The following IMMP2L variants were observed in gnomAD, a reference collection of about 807,000 sequenced individuals.
IMMP2L encodes the protein inner mitochondrial membrane peptidase subunit 2, also known as mitochondrial inner membrane protease subunit 2.
A neutral mutation model predicts 19.3 loss-of-function variants in IMMP2L; 18 were observed. That is an observed-to-expected ratio of 0.93 (90% CI 0.64 to 1.38). The LOEUF is 1.38. IMMP2L is among the 40% of genes most tolerant of loss of function. The pLI is 0.00. For missense variants in IMMP2L, 233 were observed against 218.2 expected (o/e 1.07, Z -0.43); for synonymous variants, 76 against 73.0 (o/e 1.04, Z -0.21).
chr7:110,809,892 T>C (rs1335029940), intron 5 of IMMP2L, among the ~76,000 whole-genome samples: 2 of 152,078 alleles, frequency 1.3e-5, no homozygotes, highest in Admixed American at 1.3e-4. Context: ...TCTTTGCCAC[T>C]GCTCACCCTT....
At chr7:110,960,674 AAC>A (rs904663090) in intron 4 of IMMP2L, among the ~76,000 whole-genome samples, 3 of 151,944 alleles carry the variant, frequency 2.0e-5, no homozygotes, top group African/African-American at 4.8e-5. Flanking sequence ...TTGAAAAAAA[AAC>A]AGTCACCAAG....
chr7:111,551,682 C>T (rs1849479520), intron 1 of IMMP2L, among the ~76,000 whole-genome samples: 1 of 151,944 alleles, frequency 6.6e-6, no homozygotes, highest in Admixed American at 6.6e-5. Flanking sequence ...TGGCAGGATC[C>T]ACCACCACCA....
At chr7:110,865,787 T>G (rs1467635104) in intron 5 of IMMP2L, among the ~76,000 whole-genome samples, 1 of 152,042 alleles carries the variant, frequency 6.6e-6, no homozygotes, top group Non-Finnish European at 1.5e-5. Context: ...TTTAACCTGA[T>G]TTCAGCTCCA....
intron 3 of IMMP2L, among the ~76,000 whole-genome samples, chr7:111,260,428 T>C (rs1370715938): frequency 6.6e-6 from 1 of 152,176 alleles, no homozygotes; most frequent in Non-Finnish European, 1.5e-5. Context: ...ATTTGAATTC[T>C]ACAAAAGTGG....
chr7:110,739,824 C>T (rs894190217), intron 5 of IMMP2L, among the ~76,000 whole-genome samples: 1 of 152,132 alleles, frequency 6.6e-6, no homozygotes, highest in Non-Finnish European at 1.5e-5. Context: ...CAGAACAAGT[C>T]TCATTAAATT....
chr7:111,516,320 G>C (rs1845863501), intron 2 of IMMP2L, among the ~76,000 whole-genome samples: 1 of 151,506 alleles, frequency 6.6e-6, no homozygotes, highest in African/African-American at 2.4e-5. Flanking sequence ...ATTTTTTGAG[G>C]GTATATATTC....
intron 3 of IMMP2L, among the ~76,000 whole-genome samples, chr7:111,060,118 G>T (rs1793885353): frequency 6.6e-6 from 1 of 152,012 alleles, no homozygotes; most frequent in African/African-American, 2.4e-5. Flanking sequence ...TAAACCCAAA[G>T]AAGCCAAAAA....
At chr7:111,358,321 C>T (rs150902873) in intron 3 of IMMP2L, among the ~76,000 whole-genome samples, 66 of 151,670 alleles carry the variant, frequency 4.4e-4, no homozygotes, top group African/African-American at 1.5e-3. Context: ...CCACTTGTTA[C>T]TTAGGCAACC....
At chr7:111,132,380 G>C (rs1289051431) in intron 3 of IMMP2L, among the ~76,000 whole-genome samples, 1 of 151,912 alleles carries the variant, frequency 6.6e-6, no homozygotes, top group Non-Finnish European at 1.5e-5. Context: ...TAACCTGCTT[G>C]CCAACTCTCC....
intron 3 of IMMP2L, among the ~76,000 whole-genome samples, chr7:111,434,756 G>A (rs1299237326): frequency 6.6e-6 from 1 of 151,720 alleles, no homozygotes; most frequent in Non-Finnish European, 1.5e-5. Flanking sequence ...GTTTTAACAT[G>A]TTGGTCAGGC....
intron 4 of IMMP2L, among the ~76,000 whole-genome samples, chr7:110,913,621 A>G (rs1315868882): frequency 6.6e-6 from 1 of 152,148 alleles, no homozygotes; most frequent in East Asian, 1.9e-4. Context: ...AAAATGTGCA[A>G]ACTTATTTCT....
intron 3 of IMMP2L, among the ~76,000 whole-genome samples, chr7:111,269,371 G>T (rs552982174): frequency 6.6e-6 from 1 of 152,218 alleles, no homozygotes; most frequent in South Asian, 2.1e-4. Flanking sequence ...ACAAATGATA[G>T]AATTTTTAAG....
chr7:111,499,526 G>A (rs915970434), intron 2 of IMMP2L, among the ~76,000 whole-genome samples: 11 of 152,058 alleles, frequency 7.2e-5, no homozygotes, highest in African/African-American at 2.4e-4. Flanking sequence ...TCAAATCAGA[G>A]ACTTATGAAG....
At chr7:111,074,991 A>T (rs1784298373) in intron 3 of IMMP2L, among the ~76,000 whole-genome samples, 1 of 152,154 alleles carries the variant, frequency 6.6e-6, no homozygotes. Context: ...ATCAGCGTGG[A>T]CGGAAAAGAT....
At chr7:111,151,605 T>C (rs1804080002) in intron 3 of IMMP2L, among the ~76,000 whole-genome samples, 1 of 152,060 alleles carries the variant, frequency 6.6e-6, no homozygotes, top group African/African-American at 2.4e-5. Flanking sequence ...AAAAACCAAA[T>C]GTAAAAAATA....
intron 5 of IMMP2L, among the ~76,000 whole-genome samples, chr7:110,879,292 G>C (rs565359954): frequency 2.4e-4 from 37 of 152,044 alleles, no homozygotes; most frequent in Non-Finnish European, 4.9e-4. Context: ...GGAGGCTGAG[G>C]TAGGAGAATC....
chr7:110,994,017 A>C (rs1372851941), intron 3 of IMMP2L, among the ~76,000 whole-genome samples: 1 of 152,100 alleles, frequency 6.6e-6, no homozygotes, highest in Non-Finnish European at 1.5e-5. Flanking sequence ...TTACTTGGAA[A>C]AAAAAAAGGC....
At position 110,806,059 on chromosome 7, in the gene IMMP2L, G is replaced by A. The variant is rs1245089402; in HGVS notation, c.408+80534C>T. 2.6e-5 allele frequency among the ~76,000 whole-genome samples: 4 copies of A among 151,880 alleles called. No individual in the cohort carries two copies. The East Asian group carries it at 7.8e-4, about 29-fold the overall frequency. On this transcript the variant is annotated intron_variant, in intron 5 of 5. Transcript: ENST00000405709. ...ACCAGTTATCTTTGTTCCATTCTTAGGCCAAAGACTGCACTCTTAATTAGG... is the reference window on the plus strand; with the variant it reads ...ACCAGTTATCTTTGTTCCATTCTTAAGCCAAAGACTGCACTCTTAATTAGG...
Position 110,697,541 on chromosome 7 carries a change from C to T in IMMP2L, c.409-33820G>A, listed in dbSNP as rs559608590. On this transcript the variant is annotated intron_variant, in intron 5 of 5. Coordinates refer to ENST00000405709, the MANE Select transcript of IMMP2L (RefSeq NM_032549.4). ...ATTCTTGGCTTGTCATGGTGGCACA[C>T]GCCTGTTATCCCAGCACTTTGGGAG... Among the ~76,000 whole-genome samples the T allele has an allele frequency of 1.4e-4, 22 of 152,254 alleles. 1 individual carries two copies. In the East Asian group the frequency reaches 3.1e-3, roughly 21 times the overall value.
Sources: gnomAD v4.1 joint callset for allele counts (sites outside exome capture counted in the v4.1 genomes callset) on GRCh38, gnomAD v4.1.1 for gene constraint, MANE v1.5 for transcripts, NCBI Gene and HGNC (gene_info 2026-07-23, HGNC 2026-07-21) for gene names.